Variants in COL25A1 observed in about 807,000 individuals in gnomAD.
COL25A1 encodes the protein collagen type XXV alpha 1 chain, also known as collagen alpha-1(XXV) chain.
COL25A1 carries 103 observed loss-of-function variants against 128.4 expected under a neutral mutation model. That is an observed-to-expected ratio of 0.80 (90% CI 0.68 to 0.94). The LOEUF is 0.94. Ranked by LOEUF, COL25A1 falls within the 40% of genes least tolerant of loss-of-function variation. The pLI is 0.00. For synonymous variants in COL25A1, 279 were observed against 277.2 expected, an observed-to-expected ratio of 1.01 and a Z score of -0.06; for missense variants, 745 against 840.0, an observed-to-expected ratio of 0.89 and a Z score of 1.40.
At chr4:109,262,524 A>G (rs980458301) in intron 3 of COL25A1, among the ~76,000 whole-genome samples, 1 of 152,016 alleles carries the variant, frequency 6.6e-6, no homozygotes, top group Non-Finnish European at 1.5e-5. Context: ...AAAAAACAAA[A>G]AAAAAGCTTC....
intron 3 of COL25A1, among the ~76,000 whole-genome samples, chr4:109,132,798 C>T (rs995517458): frequency 6.6e-6 from 1 of 152,052 alleles, no homozygotes. Flanking sequence ...TAATACAATT[C>T]TGTAAACCTT....
chr4:109,151,990 T>C (rs1771546681), intron 3 of COL25A1, among the ~76,000 whole-genome samples: 1 of 152,180 alleles, frequency 6.6e-6, no homozygotes, highest in Non-Finnish European at 1.5e-5. Flanking sequence ...TAGTCCAATA[T>C]TTCCTAATGA....
intron 3 of COL25A1, among the ~76,000 whole-genome samples, chr4:109,244,026 C>G (rs1780086157): frequency 6.6e-6 from 1 of 151,440 alleles, no homozygotes; most frequent in African/African-American, 2.4e-5. Flanking sequence ...GATTCTCAGA[C>G]CTACACAAAG....
At chr4:108,823,862 A>ACTT in intron 35 of COL25A1, 1 of 1,319,056 alleles carries the variant, frequency 7.6e-7, no homozygotes, top group Non-Finnish European at 9.7e-7. Context: ...ATTTAATTTT[A>ACTT]CTTTTTAAAA....
intron 6 of COL25A1, among the ~76,000 whole-genome samples, chr4:109,004,611 G>T (rs919558487): frequency 6.6e-6 from 1 of 152,070 alleles, no homozygotes; most frequent in Non-Finnish European, 1.5e-5. Context: ...CATCCTCTTG[G>T]TGCTGTCCTC....
chr4:108,845,168 G>A (rs1300220044), intron 29 of COL25A1, 21 bp downstream of exon 29: 3 of 1,606,226 alleles, frequency 1.9e-6, no homozygotes, highest in South Asian at 2.2e-5. Context: ...AACAATGGAA[G>A]TTCAGCCACC....
chr4:109,284,072 T>C (rs181737467), intron 3 of COL25A1, among the ~76,000 whole-genome samples: 1 of 152,232 alleles, frequency 6.6e-6, no homozygotes, highest in African/African-American at 2.4e-5. Flanking sequence ...TTTAATTTAA[T>C]GTATCTCTGA....
chr4:108,896,845 T>C (rs1246028010), intron 15 of COL25A1, 134 bp from the exon 16 acceptor site: 1 of 737,844 alleles, frequency 1.4e-6, no homozygotes, highest in Non-Finnish European at 2.3e-6. Context: ...AGAGCTAATG[T>C]ATTTATACTT....
chr4:109,052,269 A>G (rs1254068012), intron 3 of COL25A1, among the ~76,000 whole-genome samples: 1 of 152,214 alleles, frequency 6.6e-6, no homozygotes, highest in Non-Finnish European at 1.5e-5. Context: ...CAAAATATAA[A>G]TATTTCTGAA....
rs1578676365 is a variant in COL25A1 at position 109,300,781 on chromosome 4, C to T, written c.298-129G>A. ...TGCATAACTAACATTTACATATGTA[C>T]TTGGACTCTAGTCAAGAAAGTAACC... On this transcript the variant is annotated intron_variant, in intron 2 of 37. Transcript: ENST00000399132. 2.0e-5 allele frequency: 13 copies of T among 634,834 alleles called. No homozygotes were observed. The South Asian group carries it at 2.7e-4, about 13-fold the overall frequency. The allele number at this position is 634,834 out of a possible 1,614,324, so 39.3% of individuals were successfully genotyped here.
chr4:108,959,830 A>T (rs1750473271), intron 8 of COL25A1, among the ~76,000 whole-genome samples: 1 of 152,122 alleles, frequency 6.6e-6, no homozygotes, highest in South Asian at 2.1e-4. Flanking sequence ...TTTCTGCCTA[A>T]AAATGTAAAA....
chr4:108,953,897 C>A (rs1749751204), intron 8 of COL25A1, among the ~76,000 whole-genome samples: 1 of 152,108 alleles, frequency 6.6e-6, no homozygotes, highest in African/African-American at 2.4e-5. Context: ...TGCCTCATAG[C>A]ACACTTAGCC....
chr4:108,878,622 T>C (rs1286022594), intron 19 of COL25A1, among the ~76,000 whole-genome samples: 2 of 152,154 alleles, frequency 1.3e-5, no homozygotes, highest in African/African-American at 4.8e-5. Flanking sequence ...CCCCAAAACA[T>C]TTATTTCCCG....
At chr4:108,917,795 T>G (rs1301278273) in intron 13 of COL25A1, among the ~76,000 whole-genome samples, 2 of 152,240 alleles carry the variant, frequency 1.3e-5, no homozygotes, top group Admixed American at 1.3e-4. Context: ...TGTTAGCCAA[T>G]TATTAATACA....
chr4:108,923,269 C>T (rs192530571), intron 11 of COL25A1, among the ~76,000 whole-genome samples: 61 of 152,170 alleles, frequency 4.0e-4, no homozygotes, highest in African/African-American at 1.3e-3. Context: ...ATTAGTCTTG[C>T]GGTTTCTGGT....
Position 109,149,990 on chromosome 4 carries a change from GTA to G in COL25A1, c.368-99813_368-99812del, listed in dbSNP as rs1230011437. On this transcript the variant is annotated intron_variant, in intron 3 of 37. Coordinates refer to ENST00000399132, the MANE Select transcript of COL25A1 (RefSeq NM_198721.4). ...TGTGTATGTATGTGTATGTATGTGT[GTA>G]TGTGTGGGTGTGTGTGTGTGTATGT... Among the ~76,000 whole-genome samples, 205 of 147,292 alleles carry G rather than the reference GTA, an allele frequency of 1.4e-3. 2 individuals are homozygous for G. The highest frequency in any genetic ancestry group is 2.2e-3 in the Non-Finnish European group (146 of 65,802).
intron 3 of COL25A1, among the ~76,000 whole-genome samples, chr4:109,096,565 T>C (rs1765416450): frequency 7.7e-6 from 1 of 129,602 alleles, no homozygotes; most frequent in South Asian, 2.6e-4. Flanking sequence ...ATCCACTCTG[T>C]CATGTCCACA....
intron 15 of COL25A1, among the ~76,000 whole-genome samples, chr4:108,897,571 A>G (rs1414322658): frequency 6.6e-6 from 1 of 152,196 alleles, no homozygotes; most frequent in Admixed American, 6.5e-5. Flanking sequence ...TGTAATAGAA[A>G]GGATAATTTA....
chr4:109,001,393 G>GGTAGGCATCTGAGATCCTGTCAT (rs1755371748), intron 6 of COL25A1, among the ~76,000 whole-genome samples: 7 of 152,312 alleles, frequency 4.6e-5, no homozygotes, highest in East Asian at 1.9e-4. Flanking sequence ...GATCCTGTCA[G>GGTAGGCATCTGAGATCCTGTCAT]GTAGGCATCT....
Sources: gnomAD v4.1 joint callset for allele counts (sites outside exome capture counted in the v4.1 genomes callset) on GRCh38, gnomAD v4.1.1 for gene constraint, MANE v1.5 for transcripts, NCBI Gene and HGNC (gene_info 2026-07-23, HGNC 2026-07-21) for gene names.